C1orf159: variants seen among roughly 807,000 people sequenced by gnomAD.
The protein encoded by C1orf159 is uncharacterized protein C1orf159.
C1orf159 carries 19 observed loss-of-function variants against 25.6 expected under a neutral mutation model. That is an observed-to-expected ratio of 0.74 (90% confidence interval 0.52 to 1.09). C1orf159 has a LOEUF of 1.09. Among genes scored for constraint, C1orf159 ranks in the 50% least tolerant of loss-of-function variants. The probability of loss-of-function intolerance (pLI) is 0.00; values close to 1 mark genes in which losing one functional copy is unlikely to be tolerated. For synonymous variants in C1orf159, 139 were observed against 124.7 expected (o/e 1.12, Z -0.77); for missense variants, 274 against 290.6 (o/e 0.94, Z 0.42).
Position 1,110,745 on chromosome 1 carries a change from C to T in C1orf159, c.-136+5315G>A, listed in dbSNP as rs944616147. On this transcript the variant is annotated intron_variant, in intron 1 of 9. Transcript: ENST00000421241. The surrounding 1 kb of genome is among the most constrained non-coding windows in gnomAD (Gnocchi z 4.8). Reference sequence around the variant, plus strand: ...GGCCCAACTCTTCAGACAGCGGAAACCCACCCGGGCGCCCTCAGAGACGAC... The same window carrying T: ...GGCCCAACTCTTCAGACAGCGGAAATCCACCCGGGCGCCCTCAGAGACGAC... 6.6e-6 allele frequency among the ~76,000 whole-genome samples: 1 copy of T among 152,234 alleles called. No homozygotes were observed. The highest frequency in any genetic ancestry group is 2.4e-5 in the African/African-American group (1 of 41,452).
chr1:1,111,687 G>T (rs899996606), intron 1 of C1orf159, among the ~76,000 whole-genome samples: 1 of 152,188 alleles, frequency 6.6e-6, no homozygotes. Context: ...AACTCCAGCC[G>T]CCCAGGCAGC....
intron 7 of C1orf159, chr1:1,085,154 G>T: frequency 6.4e-6 from 2 of 311,424 alleles, no homozygotes; most frequent in South Asian, 2.4e-5. Context: ...GAGAGGTTGA[G>T]GGGGATGGAC....
At position 1,113,913 on chromosome 1, in the gene C1orf159, C is replaced by CTT. The variant is rs763307791; in HGVS notation, c.-136+2145_-136+2146dup. Among the ~76,000 whole-genome samples the CTT allele has an allele frequency of 3.6e-3, 441 of 121,000 alleles. 5 individuals are homozygous for CTT. Among genetic ancestry groups the CTT allele is most frequent in the Non-Finnish European group, 5.4e-3 (310 of 57,562 alleles). 79.4% of individuals were successfully genotyped at this position (121,000 alleles called of 152,430 possible). A position where few individuals can be genotyped will look rare whatever the true frequency, so the allele number is the denominator to read the frequency against. The stretch of plus-strand genomic sequence containing the variant: ...AGTTGTGCGCACGCTCCCTCGAGGC[C>CTT]TTTTTTTTTTTTTTTTTTTTTGAGA... On this transcript the variant is annotated intron_variant, in intron 1 of 9. Coordinates refer to ENST00000421241, the MANE Select transcript of C1orf159 (RefSeq NM_017891.5).
At chr1:1,104,275 C>G (rs1455064901) in intron 1 of C1orf159, among the ~76,000 whole-genome samples, 2 of 152,248 alleles carry the variant, frequency 1.3e-5, no homozygotes, top group Non-Finnish European at 2.9e-5. Context: ...GCGTGAGCCA[C>G]TGCACCCGGC....
In C1orf159 at chr1:1,082,755, C is replaced by T. The variant is rs996348825; in HGVS notation, c.*138G>A. The T allele has an allele frequency of 1.2e-5, 9 of 766,660 alleles. No homozygotes were observed. Among genetic ancestry groups the T allele is most frequent in the Non-Finnish European group, 1.7e-5 (8 of 458,064 alleles). The allele number at this position is 766,660 out of a possible 1,614,324, so 47.5% of individuals were successfully genotyped here. ...CCCTTTGGCGTCCGTCGCTGGGAGG[C>T]GGAGGGACTCAGAGCCGAGGCTGTG... On this transcript the variant is annotated 3_prime_UTR_variant, in exon 10 of 10. Transcript: ENST00000421241.
rs201428293 is a variant in C1orf159 at position 1,086,002 on chromosome 1, G to T, written c.321C>A (p.Arg107=). Residue 107 remains arginine (R), a synonymous_variant, in exon 7 of 10, where the codon CGC becomes CGA. Transcript: ENST00000421241. ...TGCCCAGGAAGAGGGAGGCGGCCACGCGCGGAGCCCCTGCAAACAGACACC... is the reference window on the plus strand; with the variant it reads ...TGCCCAGGAAGAGGGAGGCGGCCACTCGCGGAGCCCCTGCAAACAGACACC... ...TPGRPHPGAP[R]VAASLFLGTF... 3 of 1,612,886 alleles carry T rather than the reference G, an allele frequency of 1.9e-6. No homozygotes were observed. The South Asian group carries it at 3.3e-5, about 18-fold the overall frequency.
At chr1:1,111,606 A>T (rs1177092339) in intron 1 of C1orf159, among the ~76,000 whole-genome samples, 1 of 152,190 alleles carries the variant, frequency 6.6e-6, no homozygotes. Context: ...AATAAGTAAC[A>T]TCTTGCAAAA....
intron 3 of C1orf159, 49 bp from the exon 4 acceptor site, chr1:1,090,477 C>T (rs753032271): frequency 1.3e-6 from 2 of 1,537,150 alleles, no homozygotes; most frequent in African/African-American, 2.7e-5. Flanking sequence ...GCCAGGCAGG[C>T]TCACGCCCAG....
intron 1 of C1orf159, among the ~76,000 whole-genome samples, chr1:1,105,742 C>CGTGGTGGT (rs1646162026): frequency 6.6e-6 from 1 of 151,836 alleles, no homozygotes; most frequent in South Asian, 2.1e-4. Context: ...ATTAGCTGGG[C>CGTGGTGGT]GGGCGCCTGT....
At chr1:1,115,958 C>T (rs1570349100) in intron 1 of C1orf159, 102 bp downstream of exon 1, 1 of 151,724 alleles carries the variant, frequency 6.6e-6, no homozygotes, top group African/African-American at 2.4e-5. Context: ...GGGCCGCCGA[C>T]CTTTGTCTGC....
rs555146559 is a variant in C1orf159 at position 1,107,023 on chromosome 1, C to G, written c.-136+9037G>C. 2.2e-4 allele frequency among the ~76,000 whole-genome samples: 33 copies of G among 152,344 alleles called. No individual in the cohort carries two copies. In the South Asian group the frequency reaches 6.6e-3, roughly 31 times the overall value. ...ACGCGGGGCAGGGCTCGGCAGCCTG[C>G]CATGCCCGAGGCCCCCCGCACCCCC... On this transcript the variant is annotated intron_variant, in intron 1 of 9. Coordinates refer to ENST00000421241, the MANE Select transcript of C1orf159 (RefSeq NM_017891.5).
rs761142650 is a variant in C1orf159 at position 1,110,876 on chromosome 1, G to A, written c.-136+5184C>T. ...GTGGCAGACGCAAAACCGCCCGCAC[G>A]TGTGACTCCTAACACTCAGAGTGTC... On this transcript the variant is annotated intron_variant, in intron 1 of 9. Transcript: ENST00000421241. The surrounding 1 kb of genome is among the most constrained non-coding windows in gnomAD (Gnocchi z 4.8). Among the ~76,000 whole-genome samples, 7 of 152,220 alleles carry A rather than the reference G, an allele frequency of 4.6e-5. No homozygotes were observed. Among genetic ancestry groups the A allele is most frequent in the African/African-American group, 9.6e-5 (4 of 41,460 alleles).
intron 4 of C1orf159, among the ~76,000 whole-genome samples, chr1:1,088,511 C>G (rs578139513): frequency 2.7e-5 from 4 of 150,536 alleles, no homozygotes; most frequent in African/African-American, 4.9e-5. Flanking sequence ...CACCCTCCCC[C>G]GGGTCTCTCT....
Position 1,082,780 on chromosome 1 carries a change from GCCCAGGACTGT to G in C1orf159, c.*102_*112del, listed in dbSNP as rs1006209984. ...CGGAGGGACTCAGAGCCGAGGCTGT[GCCCAGGACTGT>G]CCCGGGCGCCGGGCGATGCCAACAC... On this transcript the variant is annotated 3_prime_UTR_variant, in exon 10 of 10. Coordinates refer to ENST00000421241, the MANE Select transcript of C1orf159 (RefSeq NM_017891.5). 3 of 994,084 alleles carry G rather than the reference GCCCAGGACTGT, an allele frequency of 3.0e-6. No individual in the cohort carries two copies. In the East Asian group the frequency reaches 7.9e-5, roughly 26 times the overall value. The allele number at this position is 994,084 out of a possible 1,614,324, so 61.6% of individuals were successfully genotyped here.
chr1:1,115,889 G>T (rs938149079), intron 1 of C1orf159, among the ~76,000 whole-genome samples, 171 bp downstream of exon 1: 1 of 150,374 alleles, frequency 6.7e-6, no homozygotes, highest in African/African-American at 2.5e-5. Flanking sequence ...AGGCGCTGGC[G>T]GCTCCTCCGC....
At chr1:1,105,237 A>G (rs1353735915) in intron 1 of C1orf159, among the ~76,000 whole-genome samples, 1 of 152,240 alleles carries the variant, frequency 6.6e-6, no homozygotes, top group African/African-American at 2.4e-5. Flanking sequence ...TAAGAAGTAA[A>G]GGCCAGGAGC....
At chr1:1,088,162 C>A (rs1350400631) in intron 4 of C1orf159, among the ~76,000 whole-genome samples, 1 of 122,322 alleles carries the variant, frequency 8.2e-6, no homozygotes, top group Non-Finnish European at 1.7e-5. Flanking sequence ...AGACCCCCCC[C>A]ACGCCTCTCC....
intron 1 of C1orf159, among the ~76,000 whole-genome samples, chr1:1,099,414 A>C (rs1241808895): frequency 6.6e-6 from 1 of 152,006 alleles, no homozygotes; most frequent in Non-Finnish European, 1.5e-5. Flanking sequence ...AGAGGTTAAA[A>C]TCTCCGACTA....
Position 1,110,260 on chromosome 1 carries a change from A to C in C1orf159, c.-136+5800T>G, listed in dbSNP as rs1646239351. Among the ~76,000 whole-genome samples the C allele has an allele frequency of 6.6e-6, 1 of 152,172 alleles. No individual in the cohort carries two copies. The highest frequency in any genetic ancestry group is 2.4e-5 in the African/African-American group (1 of 41,438). Reference sequence around the variant, plus strand: ...CAACCTCCCATCCTTTTATGGCCGGAAACTCAATTTTTAAGGTTTCTCTGG... The same window carrying C: ...CAACCTCCCATCCTTTTATGGCCGGCAACTCAATTTTTAAGGTTTCTCTGG... On this transcript the variant is annotated intron_variant, in intron 1 of 9. Transcript: ENST00000421241. This position sits in a 1 kb window ranked among gnomAD's most constrained non-coding sequence, Gnocchi z 4.8.
Sources: allele counts gnomAD v4.1 joint callset (sites outside exome capture counted in the v4.1 genomes callset), GRCh38; gene constraint gnomAD v4.1.1; non-coding constraint Gnocchi (gnomAD v3.1); transcripts MANE v1.5; gene names NCBI Gene and HGNC (gene_info 2026-07-23, HGNC 2026-07-21).